LGR5: variants seen among roughly 807,000 people sequenced by gnomAD.
LGR5 encodes leucine-rich repeat-containing G protein-coupled receptor 5.
Under a neutral mutation model 76.7 loss-of-function variants are expected in LGR5, and 54 were observed. That is an observed-to-expected ratio of 0.70 (90% CI 0.57 to 0.88). The LOEUF (loss-of-function observed/expected upper bound fraction) is 0.88. LGR5 is among the 40% of genes least tolerant of loss of function. The pLI is 0.00. For missense variants in LGR5, 1,078 were observed against 1,073.3 expected (o/e 1.00, Z -0.06); for synonymous variants, 406 against 421.9 (o/e 0.96, Z 0.46).
chr12:71,465,679 C>T (rs185307074), intron 1 of LGR5, among the ~76,000 whole-genome samples: 21 of 152,308 alleles, frequency 1.4e-4, no homozygotes, highest in Admixed American at 6.5e-4. Context: ...ATCAGGTAAA[C>T]GCCTGCTATT....
intron 1 of LGR5, among the ~76,000 whole-genome samples, chr12:71,450,839 G>A (rs1202747269): frequency 2.0e-5 from 3 of 151,968 alleles, no homozygotes; most frequent in African/African-American, 7.3e-5. Flanking sequence ...CTACTATCCT[G>A]CTACTCTCTT....
chr12:71,566,370 C>G, intron 8 of LGR5, 34 bp from the exon 9 acceptor site: 1 of 1,354,730 alleles, frequency 7.4e-7, no homozygotes, highest in East Asian at 2.3e-5. Context: ...AAATTTTATA[C>G]TAAGATATTA....
intron 1 of LGR5, among the ~76,000 whole-genome samples, chr12:71,483,182 C>T (rs1001164624): frequency 1.1e-4 from 16 of 152,068 alleles, no homozygotes; most frequent in Admixed American, 6.6e-5. Flanking sequence ...AAGACTGAGG[C>T]GAAGAAGTCC....
At chr12:71,583,616 T>C in intron 17 of LGR5, 31 bp from the exon 18 acceptor site, 1 of 1,573,016 alleles carries the variant, frequency 6.4e-7, no homozygotes. Context: ...CCTAATTTGA[T>C]ACTCAATCTT....
intron 1 of LGR5, among the ~76,000 whole-genome samples, chr12:71,459,534 G>A (rs912987498): frequency 2.6e-5 from 4 of 152,008 alleles, no homozygotes; most frequent in Admixed American, 2.0e-4. Flanking sequence ...GGGGGAGCTG[G>A]CCAAACCTAA....
At chr12:71,571,175 T>C (rs1878594811) in intron 11 of LGR5, 1 of 164,816 alleles carries the variant, frequency 6.1e-6, no homozygotes, top group Admixed American at 6.4e-5. Context: ...ATGTAGCAGC[T>C]CTTAGAGACA....
intron 7 of LGR5, among the ~76,000 whole-genome samples, chr12:71,560,658 G>A (rs1470753145): frequency 6.6e-6 from 1 of 152,172 alleles, no homozygotes; most frequent in Non-Finnish European, 1.5e-5. Flanking sequence ...TGGGCCTCGT[G>A]GCACATGCCT....
At chr12:71,533,290 GGCCGAGA>G (rs1273969627) in intron 3 of LGR5, among the ~76,000 whole-genome samples, 1 of 152,038 alleles carries the variant, frequency 6.6e-6, no homozygotes, top group Admixed American at 6.6e-5. Flanking sequence ...GGTTGCAGTG[GGCCGAGA>G]TTGCGCCACT....
intron 1 of LGR5, among the ~76,000 whole-genome samples, chr12:71,448,118 G>A (rs779214599): frequency 8.1e-5 from 11 of 136,216 alleles, no homozygotes; most frequent in Non-Finnish European, 1.3e-4. Context: ...CACACAAACT[G>A]TGGTGACTAA....
intron 1 of LGR5, among the ~76,000 whole-genome samples, chr12:71,459,542 T>C (rs1269177079): frequency 1.3e-5 from 2 of 152,100 alleles, no homozygotes; most frequent in African/African-American, 4.8e-5. Flanking sequence ...TGGCCAAACC[T>C]AAGTTTATTA....
At chr12:71,506,667 C>T (rs1288155335) in intron 2 of LGR5, among the ~76,000 whole-genome samples, 2 of 152,154 alleles carry the variant, frequency 1.3e-5, no homozygotes, top group Non-Finnish European at 2.9e-5. Flanking sequence ...ATTCCATTGC[C>T]TCATTCTGTT....
At chr12:71,571,741 G>A (rs1319974991) in intron 12 of LGR5, among the ~76,000 whole-genome samples, 162 bp downstream of exon 12, 2 of 152,164 alleles carry the variant, frequency 1.3e-5, no homozygotes, top group Non-Finnish European at 2.9e-5. Flanking sequence ...TTAGAAAGTT[G>A]AGAAACATAG....
rs534637041 is a variant in LGR5 at position 71,466,383 on chromosome 12, C to T, written c.212+26091C>T. 7.2e-5 allele frequency among the ~76,000 whole-genome samples: 11 copies of T among 152,226 alleles called. 2 individuals are homozygous for T. The South Asian group carries it at 2.1e-3, about 29-fold the overall frequency. ...AAACATTTAAGGTGCTCTTACTAAA[C>T]TGATAGTTCTTTAGGATTCCTTGCT... On this transcript the variant is annotated intron_variant, in intron 1 of 17. Transcript: ENST00000266674.
At chr12:71,473,796 T>C (rs1276121196) in intron 1 of LGR5, among the ~76,000 whole-genome samples, 2 of 152,224 alleles carry the variant, frequency 1.3e-5, no homozygotes, top group Non-Finnish European at 1.5e-5. Context: ...AGAACAATTA[T>C]CTATATATCC....
chr12:71,583,647 G>T lies in LGR5; in HGVS notation c.1637G>T (p.Gly546Val). 1.2e-6 allele frequency: 2 copies of T among 1,606,598 alleles called. No individual in the cohort carries two copies. Among genetic ancestry groups the T allele is most frequent in the Non-Finnish European group, 1.7e-6 (2 of 1,174,798 alleles). The part of the protein sequence containing the change: ...LHSVQCSPSP[G>V]PFKPCEHLLD... ...ATCTTTGCCTTCCTTGGACTTCTAG[G>T]CCCCTTCAAACCCTGTGAACACCTG... The change falls in exon 18 of 18, where the codon GGC (glycine) becomes GTC (valine). Residue 546 changes from glycine to valine, a missense_variant and splice_region_variant. Gly to Val is a moderately radical substitution (Grantham distance 109). Coordinates refer to ENST00000266674, the MANE Select transcript of LGR5 (RefSeq NM_003667.4).
intron 2 of LGR5, among the ~76,000 whole-genome samples, chr12:71,510,638 T>C (rs1875106138): frequency 6.6e-6 from 1 of 152,128 alleles, no homozygotes; most frequent in Non-Finnish European, 1.5e-5. Context: ...AGTTGTCAAT[T>C]GAGTGGAGGA....
chr12:71,527,538 G>A (rs1259813988), intron 3 of LGR5, among the ~76,000 whole-genome samples: 1 of 152,044 alleles, frequency 6.6e-6, no homozygotes, highest in Non-Finnish European at 1.5e-5. Flanking sequence ...TTTTTATGAT[G>A]GAATTAATCT....
rs371788659 is a variant in LGR5 at position 71,539,532 on chromosome 12, C to T, written c.428+4346C>T. The stretch of plus-strand genomic sequence containing the variant: ...TCACTCTGTTGCCCAGGCTGGAGTA[C>T]AGTGGTGCGATCTCAGCTCGCTGCA... On this transcript the variant is annotated intron_variant, in intron 4 of 17. Transcript: ENST00000266674. 2.8e-4 allele frequency among the ~76,000 whole-genome samples: 42 copies of T among 152,294 alleles called. 1 individual carries two copies. The South Asian group carries it at 8.5e-3, about 31-fold the overall frequency.
chr12:71,568,083 A>C (rs1878437666), intron 11 of LGR5, among the ~76,000 whole-genome samples: 1 of 152,162 alleles, frequency 6.6e-6, no homozygotes, highest in Admixed American at 6.5e-5. Context: ...TTTCTCCAGA[A>C]AACTGGCGCA....
Sources: gnomAD v4.1 joint callset for allele counts (sites outside exome capture counted in the v4.1 genomes callset) on GRCh38, gnomAD v4.1.1 for gene constraint, MANE v1.5 for transcripts, NCBI Gene and HGNC (gene_info 2026-07-23, HGNC 2026-07-21) for gene names.